Variants in SYTL1 observed in about 807,000 individuals in gnomAD.
SYTL1 encodes synaptotagmin like 1.
In SYTL1, 53 loss-of-function variants were observed where a neutral mutation model predicts 74.6. The ratio of observed to expected loss-of-function variants is 0.71; its 90% CI spans 0.57 to 0.89. SYTL1 has a LOEUF of 0.89. SYTL1 is among the 40% of genes least tolerant of loss of function. The pLI is 0.00. For synonymous variants in SYTL1, 329 were observed against 324.9 expected (o/e 1.01, Z -0.14); for missense variants, 728 against 768.7 (o/e 0.95, Z 0.63).
At position 27,342,826 on chromosome 1, in the gene SYTL1, C is replaced by G. The variant is rs1000648662; in HGVS notation, c.-39+676C>G. On this transcript the variant is annotated intron_variant, in intron 1 of 14. Coordinates refer to ENST00000616558, the MANE Select transcript of SYTL1 (RefSeq NM_001193308.2). The surrounding 1 kb of genome is among the most constrained non-coding windows in gnomAD (Gnocchi z 4.7). ...CAGGGCACAGAGAGGGACGTGGGCT[C>G]ACACCCCAATCCACAGGGGAGGCCG... 6.6e-6 allele frequency among the ~76,000 whole-genome samples: 1 copy of G among 151,986 alleles called. No homozygotes were observed. The highest frequency in any genetic ancestry group is 1.5e-5 in the Non-Finnish European group (1 of 67,924).
In SYTL1 at chr1:27,342,807, A is replaced by G. The variant is rs1329916386; in HGVS notation, c.-39+657A>G. Among the ~76,000 whole-genome samples the G allele has an allele frequency of 1.3e-5, 2 of 151,834 alleles. No individual in the cohort carries two copies. Among genetic ancestry groups the G allele is most frequent in the African/African-American group, 4.9e-5 (2 of 41,112 alleles). Reference sequence around the variant, plus strand: ...GACCCACACAGCCACACAACAGGGCACAGAGAGGGACGTGGGCTCACACCC... The same window carrying G: ...GACCCACACAGCCACACAACAGGGCGCAGAGAGGGACGTGGGCTCACACCC... On this transcript the variant is annotated intron_variant, in intron 1 of 14. Transcript: ENST00000616558. The surrounding 1 kb of genome is among the most constrained non-coding windows in gnomAD (Gnocchi z 4.7).
At position 27,345,873 on chromosome 1, in the gene SYTL1, C is replaced by T. The variant is rs986128171; in HGVS notation, c.191+348C>T. On this transcript the variant is annotated intron_variant, in intron 2 of 14. Transcript: ENST00000616558. This position sits in a 1 kb window ranked among gnomAD's most constrained non-coding sequence, Gnocchi z 6.0. ...TGGCTCACTGCAACCTCCACCCCTCCGGGTTCAAGCGATTCTCCTGCCACA... is the reference window on the plus strand; with the variant it reads ...TGGCTCACTGCAACCTCCACCCCTCTGGGTTCAAGCGATTCTCCTGCCACA... Among the ~76,000 whole-genome samples, 7 of 152,008 alleles carry T rather than the reference C, an allele frequency of 4.6e-5. No individual in the cohort carries two copies. The highest frequency in any genetic ancestry group is 2.1e-4 in the South Asian group (1 of 4,824).
chr1:27,353,704 C>T lies in SYTL1; in HGVS notation c.1550-9C>T, dbSNP rs1308875555. 2 of 1,610,374 alleles carry T rather than the reference C, an allele frequency of 1.2e-6. No homozygotes were observed. Among genetic ancestry groups the T allele is most frequent in the South Asian group, 1.1e-5 (1 of 90,872 alleles). On this transcript the variant is annotated splice_polypyrimidine_tract_variant and intron_variant, in intron 14 of 14. Coordinates refer to ENST00000616558, the MANE Select transcript of SYTL1 (RefSeq NM_001193308.2). ...ATCATGCCCTCAACCCCTGCCCACC[C>T]ACATCCAGGCAGCAGCTATGGGCTG...
rs751490630 is a variant in SYTL1, at chr1:27,347,535, C to T, written c.306C>T (p.Val102=). 6.2e-6 allele frequency: 10 copies of T among 1,613,966 alleles called. No homozygotes were observed. The East Asian group carries it at 6.7e-5, about 11-fold the overall frequency. ...HHNAHFGSDL[V]RASMRRKKST... Reference sequence around the variant, plus strand: ...ATGCCCACTTCGGCTCTGACCTTGTCCGAGCGTCTATGCGCAGGAAGAAGA... The same window carrying T: ...ATGCCCACTTCGGCTCTGACCTTGTTCGAGCGTCTATGCGCAGGAAGAAGA... Residue 102 remains valine, a synonymous_variant, in exon 3 of 15, where the codon GTC becomes GTT. Transcript: ENST00000616558. This position sits in a 1 kb window ranked among gnomAD's most constrained non-coding sequence, Gnocchi z 4.9.
chr1:27,351,326 C>T lies in SYTL1; in HGVS notation c.1233C>T (p.Ala411=), dbSNP rs1368854797. The change falls in exon 12 of 15, where the codon GCC becomes GCT. Residue 411 remains alanine, a synonymous_variant. Coordinates refer to ENST00000616558, the MANE Select transcript of SYTL1 (RefSeq NM_001193308.2). The surrounding 1 kb of genome is among the most constrained non-coding windows in gnomAD (Gnocchi z 5.0). The part of the protein sequence containing the change: ...LLALSLKYVP[A]GSEGAGLPPS... ...CCCTGTCCCTCAAGTACGTCCCCGCCGGCTCCGAGGGTGAGTGACAGCCGG... is the reference window on the plus strand; with the variant it reads ...CCCTGTCCCTCAAGTACGTCCCCGCTGGCTCCGAGGGTGAGTGACAGCCGG... 2 of 1,555,622 alleles carry T rather than the reference C, an allele frequency of 1.3e-6. No individual in the cohort carries two copies. The highest frequency in any genetic ancestry group is 1.7e-6 in the Non-Finnish European group (2 of 1,150,160).
chr1:27,342,433 T>C lies in SYTL1; in HGVS notation c.-39+283T>C. On this transcript the variant is annotated intron_variant, in intron 1 of 14. Coordinates refer to ENST00000616558, the MANE Select transcript of SYTL1 (RefSeq NM_001193308.2). This position sits in a 1 kb window ranked among gnomAD's most constrained non-coding sequence, Gnocchi z 4.7. ...AGGGAGGGGGCACTGCTGAGGACGC[T>C]GGGCTGATGCCCATGGCCCAGCTCA... 1.5e-6 allele frequency: 1 copy of C among 672,860 alleles called. No homozygotes were observed. The highest frequency in any genetic ancestry group is 1.8e-6 in the Non-Finnish European group (1 of 544,536). 41.7% of individuals were successfully genotyped at this position (672,860 alleles called of 1,614,324 possible).
Position 27,351,547 on chromosome 1 carries a change from C to A in SYTL1, c.1335C>A (p.Tyr445Ter). 1 of 1,541,634 alleles carries A rather than the reference C, an allele frequency of 6.5e-7. No homozygotes were observed. The highest frequency in any genetic ancestry group is 8.8e-7 in the Non-Finnish European group (1 of 1,141,970). The change falls in exon 13 of 15, where the codon TAC (tyrosine) becomes TAA (stop). Residue 445 changes from tyrosine to a stop codon, truncating the protein, a stop_gained. Transcript: ENST00000616558. LOFTEE classifies it high-confidence loss of function. The surrounding 1 kb of genome is among the most constrained non-coding windows in gnomAD (Gnocchi z 5.0). Reference sequence around the variant, plus strand: ...TGCGGGCAGGATCCCTGGACACTTACGTACAATGGTGAGGAGTGCTGGCCC... The same window carrying A: ...TGCGGGCAGGATCCCTGGACACTTAAGTACAATGGTGAGGAGTGCTGGCCC... ...LPLRAGSLDT[Y>*]VQCFVLPDDS...
In SYTL1 at chr1:27,350,944, C is replaced by A. The variant is rs1199605862; in HGVS notation, c.1156C>A (p.Gln386Lys). ...CTCTGAGCCCACCTGGCTCCCCCTGCAGCCCCGGGTGAGGCAGCCAGGCCG... is the reference window on the plus strand; with the variant it reads ...CTCTGAGCCCACCTGGCTCCCCCTGAAGCCCCGGGTGAGGCAGCCAGGCCG... ...WGSEPTWLPL[Q>K]PRVPPSPDDL... is the part of the protein sequence containing the mutation. The change falls in exon 11 of 15, where the codon CAG (glutamine) becomes AAG (lysine). Residue 386 changes from glutamine (Q) to lysine (K), a missense_variant. Physicochemically the swap from Gln to Lys is moderately conservative, Grantham distance 53. Transcript: ENST00000616558. The surrounding 1 kb of genome is among the most constrained non-coding windows in gnomAD (Gnocchi z 6.3). 3 of 1,612,924 alleles carry A rather than the reference C, an allele frequency of 1.9e-6. No individual in the cohort carries two copies. The highest frequency in any genetic ancestry group is 2.5e-6 in the Non-Finnish European group (3 of 1,179,844).
rs541342834 is a variant in SYTL1, at chr1:27,345,780, C to CTT, written c.191+268_191+269dup. 4.1e-5 allele frequency among the ~76,000 whole-genome samples: 6 copies of CTT among 144,974 alleles called. No homozygotes were observed. The highest frequency in any genetic ancestry group is 6.1e-5 in the Non-Finnish European group (4 of 65,686). On this transcript the variant is annotated intron_variant, in intron 2 of 14. Transcript: ENST00000616558. This position sits in a 1 kb window ranked among gnomAD's most constrained non-coding sequence, Gnocchi z 6.0. ...AGCTGGTGCTCCCCAGATCTGTCTG[C>CTT]TTTTTTTTTTTTTTCTTGAGACAGA...
Position 27,347,199 on chromosome 1 carries a change from C to A in SYTL1, c.192-222C>A, listed in dbSNP as rs1455318344. Among the ~76,000 whole-genome samples, 1 of 152,208 alleles carries A rather than the reference C, an allele frequency of 6.6e-6. No individual in the cohort carries two copies. Among genetic ancestry groups the A allele is most frequent in the Non-Finnish European group, 1.5e-5 (1 of 68,040 alleles). ...GGAAGCCCTCCTGGATTCTCACAGG[C>A]AGAGCTGGCTCTTCTTACTTCTATC... is the stretch of plus-strand genomic sequence containing the variant. On this transcript the variant is annotated intron_variant, in intron 2 of 14. Transcript: ENST00000616558. The surrounding 1 kb of genome is among the most constrained non-coding windows in gnomAD (Gnocchi z 4.9).
rs1215017076 is a variant in SYTL1 at position 27,345,942 on chromosome 1, A to T, written c.191+417A>T. On this transcript the variant is annotated intron_variant, in intron 2 of 14. Transcript: ENST00000616558. This position sits in a 1 kb window ranked among gnomAD's most constrained non-coding sequence, Gnocchi z 6.0. ...ATTATAGGCACATGCCACCATGCCC[A>T]GCTAATTTTTGTATTTTTAGTAGAG... Among the ~76,000 whole-genome samples the T allele has an allele frequency of 6.6e-6, 1 of 152,038 alleles. No individual in the cohort carries two copies. Among genetic ancestry groups the T allele is most frequent in the African/African-American group, 2.4e-5 (1 of 41,396 alleles).
At position 27,349,767 on chromosome 1, in the gene SYTL1, T is replaced by C. The variant is rs1455430860; in HGVS notation, c.747+2T>C. ...GTGTCCAGCCTTAACTCCTCCACGG[T>C]GAGGCGGGAGGGAGGGGACCCGGGC... is the stretch of plus-strand genomic sequence containing the variant. On this transcript the variant is annotated splice_donor_variant, in intron 8 of 14. Transcript: ENST00000616558. LOFTEE classifies it high-confidence loss of function. The C allele has an allele frequency of 6.3e-7, 1 of 1,595,288 alleles. No homozygotes were observed. Among genetic ancestry groups the C allele is most frequent in the Non-Finnish European group, 8.5e-7 (1 of 1,176,044 alleles).
chr1:27,353,606 G>C lies in SYTL1; in HGVS notation c.1550-107G>C. On this transcript the variant is annotated intron_variant, in intron 14 of 14. Transcript: ENST00000616558. Reference sequence around the variant, plus strand: ...TGAGCTTTGATATCTACTGAGAACTGAGGGTGGTAACGGGGGACAGTGCAT... The same window carrying C: ...TGAGCTTTGATATCTACTGAGAACTCAGGGTGGTAACGGGGGACAGTGCAT... The C allele has an allele frequency of 3.2e-6, 5 of 1,549,992 alleles. No individual in the cohort carries two copies. The East Asian group carries it at 1.1e-4, about 35-fold the overall frequency.
chr1:27,348,234 A>G lies in SYTL1; in HGVS notation c.459+222A>G, dbSNP rs1288510141. The stretch of plus-strand genomic sequence containing the variant: ...TGAACGGTGGTGAACAGTGAGTGGT[A>G]TATGGACCCAGCCTCTAAGGGAACT... On this transcript the variant is annotated intron_variant, in intron 5 of 14. Coordinates refer to ENST00000616558, the MANE Select transcript of SYTL1 (RefSeq NM_001193308.2). The surrounding 1 kb of genome is among the most constrained non-coding windows in gnomAD (Gnocchi z 4.1). Among the ~76,000 whole-genome samples the G allele has an allele frequency of 6.6e-6, 1 of 152,108 alleles. No individual in the cohort carries two copies. Among genetic ancestry groups the G allele is most frequent in the Admixed American group, 6.5e-5 (1 of 15,274 alleles).
Position 27,353,103 on chromosome 1 carries a change from A to C in SYTL1, c.1344-180A>C, listed in dbSNP as rs2015343533. On this transcript the variant is annotated intron_variant, in intron 13 of 14. Coordinates refer to ENST00000616558, the MANE Select transcript of SYTL1 (RefSeq NM_001193308.2). ...GCCCGGCCAGGAGCTGTAACTTTTAAAGCCAGGAGACCTGAGAGGAGGCTG... is the reference window on the plus strand; with the variant it reads ...GCCCGGCCAGGAGCTGTAACTTTTACAGCCAGGAGACCTGAGAGGAGGCTG... 2.9e-5 allele frequency: 19 copies of C among 653,164 alleles called. No individual in the cohort carries two copies. In the East Asian group the frequency reaches 5.2e-4, roughly 18 times the overall value. 40.5% of individuals were successfully genotyped at this position (653,164 alleles called of 1,614,324 possible).
At position 27,345,486 on chromosome 1, in the gene SYTL1, G is replaced by A. The variant is rs747676266; in HGVS notation, c.152G>A (p.Arg51Gln). 5 of 1,559,280 alleles carry A rather than the reference G, an allele frequency of 3.2e-6. No individual in the cohort carries two copies. Among genetic ancestry groups the A allele is most frequent in the East Asian group, 2.4e-5 (1 of 42,426 alleles). The stretch of plus-strand genomic sequence containing the variant: ...GAGGCCATTGCTGGCGTCCTCCAAC[G>A]AGATGCCCGCCTGCGCCAGCTGGAG... The part of the protein sequence containing the change: ...EQEAIAGVLQ[R>Q]DARLRQLEEG... Residue 51 changes from arginine to glutamine, a missense_variant, in exon 2 of 15, where the codon CGA becomes CAA. Transcript: ENST00000616558. This position sits in a 1 kb window ranked among gnomAD's most constrained non-coding sequence, Gnocchi z 6.0.
In SYTL1 at chr1:27,345,010, C is replaced by G. The variant is rs886615396; in HGVS notation, c.-38-287C>G. On this transcript the variant is annotated intron_variant, in intron 1 of 14. Coordinates refer to ENST00000616558, the MANE Select transcript of SYTL1 (RefSeq NM_001193308.2). This position sits in a 1 kb window ranked among gnomAD's most constrained non-coding sequence, Gnocchi z 6.0. ...CGACCATATCTATGCCTACATGGAC[C>G]CGCGTGTGCACATGTGTCTGTGTGT... The G allele has an allele frequency of 1.4e-5, 3 of 207,652 alleles. No homozygotes were observed. The highest frequency in any genetic ancestry group is 6.9e-5 in the African/African-American group (3 of 43,358). The allele number at this position is 207,652 out of a possible 1,614,324, so 12.9% of individuals were successfully genotyped here. A position where few individuals can be genotyped will look rare whatever the true frequency, so the allele number is the denominator to read the frequency against.
chr1:27,344,523 G>A (rs1175671325), intron 1 of SYTL1, among the ~76,000 whole-genome samples: 4 of 149,628 alleles, frequency 2.7e-5, no homozygotes, highest in Non-Finnish European at 5.9e-5. Flanking sequence ...TTACAGGCGT[G>A]AGCCACCGCG....
rs1356457463 is a variant in SYTL1 at position 27,347,451 on chromosome 1, G to A, written c.222G>A (p.Gly74=). Residue 74 remains glycine, a synonymous_variant, in exon 3 of 15, where the codon GGG becomes GGA. Transcript: ENST00000616558. The surrounding 1 kb of genome is among the most constrained non-coding windows in gnomAD (Gnocchi z 4.9). ...SKLRASVADP[G]QLKILTGDWF... ...TCCGGGCCTCAGTGGCAGACCCTGG[G>A]CAGCTGAAGATCCTGACAGGGGACT... is the stretch of plus-strand genomic sequence containing the variant. 1.9e-6 allele frequency: 3 copies of A among 1,613,972 alleles called. No individual in the cohort carries two copies. The highest frequency in any genetic ancestry group is 2.5e-6 in the Non-Finnish European group (3 of 1,180,038).
Sources: allele counts gnomAD v4.1 joint callset (sites outside exome capture counted in the v4.1 genomes callset), GRCh38; gene constraint gnomAD v4.1.1; non-coding constraint Gnocchi (gnomAD v3.1); transcripts MANE v1.5; gene names NCBI Gene and HGNC (gene_info 2026-07-23, HGNC 2026-07-21).